The following DDX6 variants were observed in gnomAD, a reference collection of about 807,000 sequenced individuals.
DDX6 encodes the protein DEAD-box helicase 6.
DDX6 carries 7 observed loss-of-function variants against 60.6 expected under a neutral mutation model. That is an observed-to-expected ratio of 0.12 (90% CI 0.07 to 0.22). DDX6 has a LOEUF of 0.22. Ranked by LOEUF, DDX6 falls within the 10% of genes least tolerant of loss-of-function variation. The probability of loss-of-function intolerance (pLI) is 1.00; values close to 1 mark genes in which losing one functional copy is unlikely to be tolerated. For missense variants in DDX6, 270 were observed against 589.9 expected (o/e 0.46, Z 5.62); for synonymous variants, 207 against 201.0 (o/e 1.03, Z -0.25).
chr11:118,755,421 G>A lies in DDX6; in HGVS notation c.1257C>T (p.Leu419=). The A allele has an allele frequency of 1.2e-6, 2 of 1,607,328 alleles. No individual in the cohort carries two copies. The highest frequency in any genetic ancestry group is 8.5e-7 in the Non-Finnish European group (1 of 1,174,566). The change falls in exon 12 of 14, where the codon CTC becomes CTT. Residue 419 remains leucine, a synonymous_variant. Transcript: ENST00000534980. The part of the protein sequence containing the change: ...FDFPKLAETY[L]HRIGRSGRFG... ...CCTCACCTGATCTTCCAATACGATG[G>A]AGATAGGTCTCTGCCAGCTTTGGGA...
At chr11:118,777,921 A>C (rs1385252544) in intron 4 of DDX6, among the ~76,000 whole-genome samples, 18 of 145,902 alleles carry the variant, frequency 1.2e-4, no homozygotes, top group African/African-American at 4.0e-4. Flanking sequence ...AAAACCAAGA[A>C]AGTACTCAAG....
At chr11:118,771,446 C>T (rs1038102318) in intron 4 of DDX6, among the ~76,000 whole-genome samples, 1 of 152,052 alleles carries the variant, frequency 6.6e-6, no homozygotes, top group African/African-American at 2.4e-5. Flanking sequence ...GTTAAGACAC[C>T]CTGATATTTT....
chr11:118,757,597 T>TA (rs1861021225), intron 9 of DDX6, among the ~76,000 whole-genome samples: 1 of 151,486 alleles, frequency 6.6e-6, no homozygotes, highest in Admixed American at 6.6e-5. Flanking sequence ...TTTATTTTAT[T>TA]TTTTTTTTGT....
Position 118,758,782 on chromosome 11 carries a change from A to G in DDX6, c.985T>C (p.Phe329Leu). ...RQKVHCLNTL[F>L]SRLQINQSII... is the part of the protein sequence containing the mutation. ...AGAAGCCTACTTCTTACCCTGGAGAAAAGTGTGTTGAGGCAGTGTACTTTT... is the reference window on the plus strand; with the variant it reads ...AGAAGCCTACTTCTTACCCTGGAGAGAAGTGTGTTGAGGCAGTGTACTTTT... The change falls in exon 9 of 14, where the codon TTC becomes CTC. Residue 329 changes from phenylalanine (F) to leucine (L), a missense_variant. This residue lies in a region of DDX6 where 69 missense variants were observed against 208.2 expected (regional missense o/e 0.33). Coordinates refer to ENST00000534980, the MANE Select transcript of DDX6 (RefSeq NM_004397.6). 1 of 1,613,672 alleles carries G rather than the reference A, an allele frequency of 6.2e-7. No individual in the cohort carries two copies.
chr11:118,790,615 ATTCCCTCATC>A (rs1862240249), intron 1 of DDX6, among the ~76,000 whole-genome samples: 1 of 150,998 alleles, frequency 6.6e-6, no homozygotes, highest in African/African-American at 2.4e-5. Context: ...TCGGCCTCAT[ATTCCCTCATC>A]TTCGATAAAG....
At chr11:118,753,432 C>G (rs961438117) in intron 13 of DDX6, among the ~76,000 whole-genome samples, 1 of 149,830 alleles carries the variant, frequency 6.7e-6, no homozygotes, top group Non-Finnish European at 1.5e-5. Flanking sequence ...CTCCACCTCC[C>G]AGGTTCAAGT....
chr11:118,775,858 C>CAGTG (rs1271228791), intron 4 of DDX6, among the ~76,000 whole-genome samples: 4 of 152,138 alleles, frequency 2.6e-5, no homozygotes, highest in Non-Finnish European at 5.9e-5. Context: ...GGGCTAAGTG[C>CAGTG]AGTGGTTCAC....
chr11:118,754,513 GAAC>G (rs1319307295), intron 13 of DDX6, 189 bp downstream of exon 13: 19 of 481,128 alleles, frequency 3.9e-5, no homozygotes, highest in East Asian at 1.4e-4. Flanking sequence ...CTGCATTCAA[GAAC>G]AACATTTACA....
intron 7 of DDX6, among the ~76,000 whole-genome samples, chr11:118,762,022 C>A (rs1329405304): frequency 3.9e-5 from 6 of 152,106 alleles, no homozygotes; most frequent in East Asian, 1.9e-4. Flanking sequence ...TGCCTGTAAT[C>A]CCAGCAATTT....
At chr11:118,789,624 C>T (rs1862198363) in intron 1 of DDX6, 1 of 152,138 alleles carries the variant, frequency 6.6e-6, no homozygotes, top group African/African-American at 2.4e-5. Context: ...TGGTTAACAG[C>T]TACTTTCCTG....
chr11:118,760,960 T>A (rs1861146256), intron 7 of DDX6, among the ~76,000 whole-genome samples: 1 of 151,434 alleles, frequency 6.6e-6, no homozygotes, highest in South Asian at 2.1e-4. Context: ...GTTGATATGG[T>A]GAAACCCTGT....
At chr11:118,767,547 A>G (rs1425113468) in intron 5 of DDX6, 1 of 151,156 alleles carries the variant, frequency 6.6e-6, no homozygotes, top group East Asian at 1.9e-4. Context: ...TTCTGTTAAC[A>G]CTCATCTGCC....
Position 118,747,813 on chromosome 11 carries a change from T to G in DDX6, c.*4292A>C, listed in dbSNP as rs1860608761. On this transcript the variant is annotated 3_prime_UTR_variant, in exon 14 of 14. Coordinates refer to ENST00000534980, the MANE Select transcript of DDX6 (RefSeq NM_004397.6). ...GAGATAAATTAACAAAAACCAAGAT[T>G]TTACCATATTTTTGGAACCTTATAA... The G allele has an allele frequency of 6.6e-6, 1 of 151,982 alleles. No individual in the cohort carries two copies. The highest frequency in any genetic ancestry group is 1.5e-5 in the Non-Finnish European group (1 of 68,014). The allele number at this position is 151,982 out of a possible 1,614,324, so 9.4% of individuals were successfully genotyped here.
In DDX6 at chr11:118,751,067, GTA is replaced by G. The variant is rs36063767; in HGVS notation, c.*1036_*1037del. On this transcript the variant is annotated 3_prime_UTR_variant, in exon 14 of 14. Coordinates refer to ENST00000534980, the MANE Select transcript of DDX6 (RefSeq NM_004397.6). ...CATCCAAAAAAAAATATATATATAT[GTA>G]TATATATATATATATATGAACCCAG... 77 of 140,098 alleles carry G rather than the reference GTA, an allele frequency of 5.5e-4. No individual in the cohort carries two copies. The highest frequency in any genetic ancestry group is 6.8e-4 in the Non-Finnish European group (44 of 65,124). 8.7% of individuals were successfully genotyped at this position (140,098 alleles called of 1,614,324 possible).
chr11:118,767,541 G>A (rs1555161486), intron 5 of DDX6: 1 of 148,640 alleles, frequency 6.7e-6, no homozygotes, highest in Admixed American at 6.7e-5. Flanking sequence ...AAGGAATTCT[G>A]TTAACACTCA....
intron 6 of DDX6, among the ~76,000 whole-genome samples, 154 bp downstream of exon 6, chr11:118,765,055 A>C (rs534278085): frequency 6.6e-6 from 1 of 152,220 alleles, no homozygotes; most frequent in African/African-American, 2.4e-5. Context: ...AATTATGGTA[A>C]TTTGTCTTTT....
intron 11 of DDX6, among the ~76,000 whole-genome samples, chr11:118,756,023 C>A (rs1352560784): frequency 1.6e-4 from 20 of 129,022 alleles, no homozygotes; most frequent in African/African-American, 4.4e-4. Flanking sequence ...CCCTCCCCCC[C>A]CCCCCCAAAA....
intron 4 of DDX6, among the ~76,000 whole-genome samples, chr11:118,776,250 G>A (rs1555163588): frequency 2.0e-5 from 3 of 152,082 alleles, no homozygotes; most frequent in African/African-American, 4.8e-5. Context: ...TCACGTACTA[G>A]GCATTGTACT....
At chr11:118,762,486 T>C (rs1861208948) in intron 7 of DDX6, among the ~76,000 whole-genome samples, 1 of 101,256 alleles carries the variant, frequency 9.9e-6, no homozygotes. Flanking sequence ...TCCACTTACC[T>C]TAGCTTACAG....
Sources: allele counts gnomAD v4.1 joint callset (sites outside exome capture counted in the v4.1 genomes callset), GRCh38; gene constraint gnomAD v4.1.1; regional missense constraint gnomAD v4.1.1; transcripts MANE v1.5; gene names NCBI Gene and HGNC (gene_info 2026-07-23, HGNC 2026-07-21).